Variants in REXO5 observed in about 807,000 individuals in gnomAD.
REXO5 encodes exonuclease NEF-sp.
REXO5 carries 48 observed loss-of-function variants against 88.5 expected under a neutral mutation model. The observed-to-expected ratio is 0.54, with a 90% CI of 0.43 to 0.69. The LOEUF (loss-of-function observed/expected upper bound fraction) is 0.69. REXO5 is among the 30% of genes least tolerant of loss of function. The pLI, the probability that REXO5 is intolerant of heterozygous loss-of-function variation, is 0.00. For missense variants in REXO5, 749 were observed against 912.2 expected (o/e 0.82, Z 2.30); for synonymous variants, 311 against 336.5 (o/e 0.92, Z 0.83).
At position 20,846,295 on chromosome 16, in the gene REXO5, G is replaced by A. The variant is rs2081606239; in HGVS notation, c.2199G>A (p.Leu733=). 1 of 1,613,962 alleles carries A rather than the reference G, an allele frequency of 6.2e-7. No homozygotes were observed. The highest frequency in any genetic ancestry group is 1.3e-5 in the African/African-American group (1 of 74,928). Residue 733 remains leucine (L), a synonymous_variant, in exon 19 of 20, where the codon TTG becomes TTA. Transcript: ENST00000261377. ...SRKIGKLYNS[L]CPGTLCLILL... The stretch of plus-strand genomic sequence containing the variant: ...AGATTGGAAAGCTCTACAACAGCTT[G>A]TGCCCGGGCACTCTCTGCCTCATCC...
At chr16:20,824,578 G>A (rs755263906) in intron 7 of REXO5, 51 bp downstream of exon 7, 7 of 1,122,002 alleles carry the variant, frequency 6.2e-6, no homozygotes, top group Non-Finnish European at 8.1e-6. Flanking sequence ...CTGAGGTCTA[G>A]TAGAAAATGA....
chr16:20,828,599 C>A, intron 11 of REXO5, 62 bp downstream of exon 11: 2 of 1,099,204 alleles, frequency 1.8e-6, no homozygotes, highest in Non-Finnish European at 2.8e-6. Context: ...ATCAGATTAT[C>A]ACAGACTACC....
chr16:20,826,840 T>G (rs1426656825), intron 8 of REXO5, among the ~76,000 whole-genome samples: 1 of 152,204 alleles, frequency 6.6e-6, no homozygotes, highest in Non-Finnish European at 1.5e-5. Flanking sequence ...TACCTGAATC[T>G]ATATCAAAAG....
chr16:20,820,194 A>G (rs2081147472), intron 5 of REXO5, among the ~76,000 whole-genome samples: 1 of 152,038 alleles, frequency 6.6e-6, no homozygotes, highest in South Asian at 2.1e-4. Flanking sequence ...CTCCTGTCTC[A>G]ACTTTGTTTC....
intron 4 of REXO5, 102 bp from the exon 5 acceptor site, chr16:20,816,014 C>A: frequency 2.3e-6 from 2 of 874,662 alleles, no homozygotes; most frequent in Non-Finnish European, 3.7e-6. Context: ...CAATTACTGT[C>A]TAGAACTTTC....
At chr16:20,824,986 C>T (rs572905222) in intron 7 of REXO5, among the ~76,000 whole-genome samples, 13 of 151,688 alleles carry the variant, frequency 8.6e-5, no homozygotes, top group African/African-American at 2.2e-4. Flanking sequence ...TCCAGCCTGG[C>T]GACAGAGTGA....
chr16:20,840,461 C>A lies in REXO5; in HGVS notation c.1619C>A (p.Thr540Asn). Residue 540 changes from threonine to asparagine, a missense_variant, in exon 15 of 20, where the codon ACC (threonine) becomes AAC (asparagine). Coordinates refer to ENST00000261377, the MANE Select transcript of REXO5 (RefSeq NM_030941.3). ...CAGTCAATGACTTTTGTTCTTGAAA[C>A]CCGTCAGGTAAGACCGGAAAATTCA... ...PVQSMTFVLE[T>N]RQPHLCIQYE... is the part of the protein sequence containing the mutation. 6.4e-7 allele frequency: 1 copy of A among 1,553,226 alleles called. No homozygotes were observed.
Position 20,846,267 on chromosome 16 carries a change from G to A in REXO5, c.2171G>A (p.Arg724Gln), listed in dbSNP as rs752694478. Reference sequence around the variant, plus strand: ...AAGATAGCAGCCTGGCGCTGGAGCCGGAAGATTGGAAAGCTCTACAACAGC... The same window carrying A: ...AAGATAGCAGCCTGGCGCTGGAGCCAGAAGATTGGAAAGCTCTACAACAGC... ...HPKIAAWRWS[R>Q]KIGKLYNSLC... Residue 724 changes from arginine to glutamine, a missense_variant, in exon 19 of 20, where the codon CGG (arginine) becomes CAG (glutamine). Coordinates refer to ENST00000261377, the MANE Select transcript of REXO5 (RefSeq NM_030941.3). 9.3e-6 allele frequency: 15 copies of A among 1,613,918 alleles called. No individual in the cohort carries two copies. Among genetic ancestry groups the A allele is most frequent in the Admixed American group, 5.0e-5 (3 of 60,000 alleles).
intron 12 of REXO5, among the ~76,000 whole-genome samples, chr16:20,832,616 C>T (rs190435174): frequency 6.6e-6 from 1 of 152,074 alleles, no homozygotes; most frequent in Non-Finnish European, 1.5e-5. Flanking sequence ...ATTGCCCAGA[C>T]TATGAAAGAC....
At chr16:20,845,379 T>TCTC (rs35953230) in intron 18 of REXO5, 138 bp downstream of exon 18, 675,996 of 704,300 alleles carry the variant, frequency 0.96, 325,472 homozygotes, top group East Asian at 1. Flanking sequence ...CCTGGCCACA[T>TCTC]CTTTTCTCGC....
Position 20,835,490 on chromosome 16 carries a change from C to G in REXO5, c.1383+2367C>G, listed in dbSNP as rs2081412837. On this transcript the variant is annotated intron_variant, in intron 13 of 19. Coordinates refer to ENST00000261377, the MANE Select transcript of REXO5 (RefSeq NM_030941.3). Reference sequence around the variant, plus strand: ...CTCTAATCCTTTTGGGCATCCTTTCCTTGACCTCGCATAGTTTACTTACAT... The same window carrying G: ...CTCTAATCCTTTTGGGCATCCTTTCGTTGACCTCGCATAGTTTACTTACAT... Among the ~76,000 whole-genome samples the G allele has an allele frequency of 2.0e-5, 3 of 152,122 alleles. No homozygotes were observed. The South Asian group carries it at 6.2e-4, about 31-fold the overall frequency.
At position 20,807,110 on chromosome 16, in the gene REXO5, G is replaced by A. The variant is rs368817642; in HGVS notation, c.138+19G>A. The A allele has an allele frequency of 5.0e-6, 8 of 1,592,578 alleles. No individual in the cohort carries two copies. The highest frequency in any genetic ancestry group is 4.0e-5 in the African/African-American group (3 of 74,746). ...GGCCAAGGTGAGCAACGGGGATCCC[G>A]AGCAGGCGGCCCTAGGCGGTTTGGA... is the stretch of plus-strand genomic sequence containing the variant. On this transcript the variant is annotated intron_variant, in intron 2 of 19. Transcript: ENST00000261377.
chr16:20,813,207 C>T lies in REXO5; in HGVS notation c.156C>T (p.Thr52=). 8.7e-6 allele frequency: 14 copies of T among 1,613,196 alleles called. No homozygotes were observed. The highest frequency in any genetic ancestry group is 1.0e-5 in the Non-Finnish European group (12 of 1,179,198). Residue 52 remains threonine (T), a synonymous_variant, in exon 3 of 20, where the codon ACC becomes ACT. Transcript: ENST00000261377. The part of the protein sequence containing the change: ...QPEAKKARLS[T]ILFTDNCEVT... ...CTTTGCAGAAAGCCCGCTTATCTAC[C>T]ATTTTATTTACTGACAACTGTGAAG...
upstream of REXO5, chr16:20,806,451 C>T (rs1232690007): frequency 1.3e-6 from 2 of 1,552,568 alleles, no homozygotes; most frequent in Non-Finnish European, 1.7e-6. Flanking sequence ...CCTTGCTTTT[C>T]CAAGTCCAGC....
chr16:20,832,966 CTG>C (rs769926264), intron 12 of REXO5, 35 bp from the exon 13 acceptor site: 3 of 1,585,936 alleles, frequency 1.9e-6, no homozygotes, highest in South Asian at 2.3e-5. Context: ...TTCTGGAAAA[CTG>C]TTGTTCTTAC....
intron 5 of REXO5, among the ~76,000 whole-genome samples, chr16:20,820,124 T>C (rs538109290): frequency 3.7e-4 from 56 of 152,272 alleles, no homozygotes; most frequent in South Asian, 2.7e-3. Context: ...TCACTTCCGT[T>C]CTCAGGAGCT....
chr16:20,835,604 A>G (rs2081416001), intron 13 of REXO5, among the ~76,000 whole-genome samples: 1 of 149,104 alleles, frequency 6.7e-6, no homozygotes, highest in Admixed American at 6.8e-5. Context: ...ACTGTCCTTC[A>G]TTTTCCAATA....
chr16:20,828,565 C>T, intron 11 of REXO5, 28 bp downstream of exon 11: 1 of 1,452,740 alleles, frequency 6.9e-7, no homozygotes, highest in South Asian at 1.1e-5. Context: ...GTGTGTTCAC[C>T]TTTTCTTAAA....
intron 13 of REXO5, among the ~76,000 whole-genome samples, chr16:20,837,262 G>T (rs534252537): frequency 6.6e-6 from 1 of 152,044 alleles, no homozygotes; most frequent in African/African-American, 2.4e-5. Context: ...TATTTTTCCC[G>T]TTTTGTTTAA....
Sources: gnomAD v4.1 joint callset for allele counts (sites outside exome capture counted in the v4.1 genomes callset) on GRCh38, gnomAD v4.1.1 for gene constraint, MANE v1.5 for transcripts, NCBI Gene and HGNC (gene_info 2026-07-23, HGNC 2026-07-21) for gene names.